FUBP3: variants seen among roughly 807,000 people sequenced by gnomAD.
The protein encoded by FUBP3 is far upstream element-binding protein 3.
FUBP3 carries 28 observed loss-of-function variants against 85.6 expected under a neutral mutation model. The ratio of observed to expected loss-of-function variants is 0.33; its 90% confidence interval spans 0.24 to 0.45. FUBP3 has a LOEUF of 0.45. Among genes scored for constraint, FUBP3 ranks in the 20% least tolerant of loss-of-function variants. The pLI is 1.00. For synonymous variants in FUBP3, 271 were observed against 271.4 expected (o/e 1.00, Z 0.01); for missense variants, 583 against 755.1 (o/e 0.77, Z 2.67).
intron 1 of FUBP3, 104 bp downstream of exon 1, chr9:130,579,868 C>A: frequency 3.0e-6 from 2 of 672,844 alleles, no homozygotes; most frequent in South Asian, 7.8e-5. Context: ...CCTGAACCGA[C>A]GTCTCAGCCG....
rs373520393 is a variant in FUBP3, at chr9:130,610,004, G to T, written c.224+17G>T. 3 of 1,564,008 alleles carry T rather than the reference G, an allele frequency of 1.9e-6. No individual in the cohort carries two copies. Among genetic ancestry groups the T allele is most frequent in the East Asian group, 2.2e-5 (1 of 44,648 alleles). On this transcript the variant is annotated intron_variant, in intron 3 of 18. Coordinates refer to ENST00000319725, the MANE Select transcript of FUBP3 (RefSeq NM_003934.2). ...ACATCAAAGGTAAGCAGTGGGTTAC[G>T]TTTTATTATTTATTGATCATTTCTA...
intron 5 of FUBP3, among the ~76,000 whole-genome samples, chr9:130,613,279 C>T (rs1262439342): frequency 6.6e-6 from 1 of 152,244 alleles, no homozygotes; most frequent in Non-Finnish European, 1.5e-5. Context: ...CCTTCCCAAA[C>T]ACCTGCCACT....
chr9:130,604,619 G>C (rs150649983), intron 2 of FUBP3, among the ~76,000 whole-genome samples: 4 of 152,136 alleles, frequency 2.6e-5, no homozygotes, highest in African/African-American at 9.7e-5. Flanking sequence ...TACTACTCCC[G>C]GGCCTGGCAT....
At chr9:130,633,045 C>T (rs925842287) in intron 16 of FUBP3, among the ~76,000 whole-genome samples, 3 of 152,252 alleles carry the variant, frequency 2.0e-5, no homozygotes, top group East Asian at 1.9e-4. Flanking sequence ...CAGCCTGGCT[C>T]GGAGGGCCTG....
Position 130,637,002 on chromosome 9 carries a change from T to C in FUBP3, c.1711-12T>C. On this transcript the variant is annotated splice_polypyrimidine_tract_variant and intron_variant, in intron 18 of 18. Transcript: ENST00000319725. ...CCATCACAGACTAATTCCTCTTCCC[T>C]TCCGCCCACAGGAGCAGTAGGACAG... 6.2e-7 allele frequency: 1 copy of C among 1,612,350 alleles called. No individual in the cohort carries two copies. The highest frequency in any genetic ancestry group is 8.5e-7 in the Non-Finnish European group (1 of 1,178,460).
chr9:130,599,899 C>T (rs1831068288), intron 2 of FUBP3, among the ~76,000 whole-genome samples: 1 of 152,184 alleles, frequency 6.6e-6, no homozygotes, highest in South Asian at 2.1e-4. Flanking sequence ...TGGCTCCTCC[C>T]GTGCACCTCC....
At chr9:130,633,758 C>T (rs936824932) in intron 16 of FUBP3, among the ~76,000 whole-genome samples, 1 of 152,202 alleles carries the variant, frequency 6.6e-6, no homozygotes, top group Non-Finnish European at 1.5e-5. Flanking sequence ...TGGGAGGAAG[C>T]GGGGCGTCTC....
intron 3 of FUBP3, among the ~76,000 whole-genome samples, chr9:130,611,215 C>T (rs1831727208): frequency 6.6e-6 from 1 of 152,324 alleles, no homozygotes; most frequent in East Asian, 1.9e-4. Context: ...GCTCATGCTA[C>T]ACATGGTGTG....
At chr9:130,585,815 CTG>C (rs993685712) in intron 1 of FUBP3, among the ~76,000 whole-genome samples, 1 of 152,188 alleles carries the variant, frequency 6.6e-6, no homozygotes, top group African/African-American at 2.4e-5. Flanking sequence ...ATCCATCTAA[CTG>C]GATCTGGAAA....
intron 11 of FUBP3, among the ~76,000 whole-genome samples, chr9:130,625,992 A>G (rs1025368024): frequency 5.3e-5 from 8 of 152,082 alleles, no homozygotes; most frequent in African/African-American, 1.7e-4. Context: ...CCGCCGCAGG[A>G]AAGAGGGGCC....
At position 130,638,050 on chromosome 9, in the gene FUBP3, G is replaced by A. The variant is rs1274927780; in HGVS notation, c.*1028G>A. 6.6e-6 allele frequency: 1 copy of A among 151,010 alleles called. No individual in the cohort carries two copies. The highest frequency in any genetic ancestry group is 1.9e-4 in the East Asian group (1 of 5,194). 9.4% of individuals were successfully genotyped at this position (151,010 alleles called of 1,614,324 possible). ...GATAATATGATTTCCAGTGTTTACT[G>A]TAGTGTATCTTGTACAGATAACATG... On this transcript the variant is annotated 3_prime_UTR_variant, in exon 19 of 19. Transcript: ENST00000319725.
intron 8 of FUBP3, among the ~76,000 whole-genome samples, chr9:130,619,062 C>T (rs1263751369): frequency 6.6e-6 from 1 of 152,194 alleles, no homozygotes; most frequent in African/African-American, 2.4e-5. Context: ...TGCTCAGCGT[C>T]CGGCCGTGGG....
intron 3 of FUBP3, among the ~76,000 whole-genome samples, chr9:130,610,654 A>C (rs1831697455): frequency 6.6e-6 from 1 of 152,200 alleles, no homozygotes; most frequent in Admixed American, 6.5e-5. Flanking sequence ...AATATACAAG[A>C]AACTGCCACA....
At position 130,626,428 on chromosome 9, in the gene FUBP3, G is replaced by A; in HGVS notation, c.1040G>A (p.Ser347Asn). 2 of 1,614,200 alleles carry A rather than the reference G, an allele frequency of 1.2e-6. No homozygotes were observed. Among genetic ancestry groups the A allele is most frequent in the South Asian group, 1.1e-5 (1 of 91,078 alleles). The change falls in exon 12 of 19, where the codon AGC becomes AAC. Residue 347 changes from serine (S) to asparagine (N), a missense_variant. Ser to Asn is a conservative substitution (Grantham distance 46). This residue lies in a region of FUBP3 where 404 missense variants were observed against 516.8 expected (regional missense o/e 0.78). Transcript: ENST00000319725. ...AGAGGTCGTGGCCGTGGCGACTGGA[G>A]CGTGGGAGCCCCTGGTGGCGTCCAG... ...RGRGRGRGDWSVGAPGGVQEI... is the reference protein window; with the variant it reads ...RGRGRGRGDWNVGAPGGVQEI...
intron 1 of FUBP3, 137 bp downstream of exon 1, chr9:130,579,901 C>T (rs1040914959): frequency 8.0e-6 from 4 of 502,156 alleles, no homozygotes; most frequent in African/African-American, 4.0e-5. Flanking sequence ...CCGTGGAGTT[C>T]CTACAGCCGG....
intron 1 of FUBP3, among the ~76,000 whole-genome samples, chr9:130,583,755 T>C (rs1018995185): frequency 1.3e-5 from 2 of 152,206 alleles, no homozygotes; most frequent in African/African-American, 4.8e-5. Context: ...TGAGTGTGTG[T>C]GCGCCACCAC....
intron 2 of FUBP3, among the ~76,000 whole-genome samples, chr9:130,601,436 A>G (rs751793840): frequency 9.9e-5 from 15 of 152,088 alleles, no homozygotes; most frequent in Non-Finnish European, 1.8e-4. Context: ...TGAACTAAGC[A>G]GGCCTCATAC....
chr9:130,632,228 G>A lies in FUBP3; in HGVS notation c.1460G>A (p.Gly487Asp). The A allele has an allele frequency of 6.2e-7, 1 of 1,614,042 alleles. No individual in the cohort carries two copies. The highest frequency in any genetic ancestry group is 8.5e-7 in the Non-Finnish European group (1 of 1,179,950). ...GGTCCTCCGGCCTTTCTGACCCAGG[G>A]CTGGGGCAGCACCTACCAGGCGTGG... ...VSGPPAFLTQGWGSTYQAWQQ... is the reference protein window; with the variant it reads ...VSGPPAFLTQDWGSTYQAWQQ... Residue 487 changes from glycine (G) to aspartate (D), a missense_variant, in exon 16 of 19, where the codon GGC becomes GAC. Physicochemically the swap from Gly to Asp is moderately conservative, Grantham distance 94. Around this residue, in one of 3 missense-constraint regions of FUBP3, gnomAD observed 404 missense variants for 516.8 expected, o/e 0.78. Transcript: ENST00000319725.
intron 18 of FUBP3, among the ~76,000 whole-genome samples, 182 bp from the exon 19 acceptor site, chr9:130,636,832 C>T (rs906327591): frequency 1.2e-4 from 18 of 152,142 alleles, no homozygotes; most frequent in Non-Finnish European, 2.5e-4. Flanking sequence ...GGAGGAGAAG[C>T]GTGGCTCCCA....
Sources: allele counts gnomAD v4.1 joint callset (sites outside exome capture counted in the v4.1 genomes callset), GRCh38; gene constraint gnomAD v4.1.1; regional missense constraint gnomAD v4.1.1; transcripts MANE v1.5; gene names NCBI Gene and HGNC (gene_info 2026-07-23, HGNC 2026-07-21).